Variants in SAMMSON observed in about 807,000 individuals in gnomAD.
The protein encoded by SAMMSON is long intergenic non-protein coding RNA 1212.
At chr3:70,126,510 G>T (rs577383867) in intron 4 of SAMMSON, 5 of 621,278 alleles carry the variant, frequency 8.0e-6, no homozygotes, top group East Asian at 5.8e-5. Flanking sequence ...AGCTCAGCTG[G>T]CAGGTGCCTC....
intron 9 of SAMMSON, among the ~76,000 whole-genome samples, chr3:70,382,826 A>T (rs1703083981): frequency 6.6e-6 from 1 of 152,178 alleles, no homozygotes; most frequent in Admixed American, 6.6e-5. Context: ...GTATTCAAAC[A>T]GTTCATACAC....
At chr3:70,235,386 C>T (rs1416945091) in intron 4 of SAMMSON, among the ~76,000 whole-genome samples, 1 of 152,206 alleles carries the variant, frequency 6.6e-6, no homozygotes, top group African/African-American at 2.4e-5. Context: ...CCACTCACTC[C>T]TTAATCCCTC....
At chr3:70,233,016 C>A (rs965074009) in intron 4 of SAMMSON, among the ~76,000 whole-genome samples, 7 of 152,192 alleles carry the variant, frequency 4.6e-5, no homozygotes, top group African/African-American at 1.4e-4. Flanking sequence ...TGGTGAAATA[C>A]AGTCTCTACT....
chr3:70,088,828 T>C (rs935439060), intron 4 of SAMMSON, among the ~76,000 whole-genome samples: 1 of 152,198 alleles, frequency 6.6e-6, no homozygotes, highest in Non-Finnish European at 1.5e-5. Flanking sequence ...ATTTTCTCTA[T>C]ACAATAAGGT....
rs1185609018 is a variant in SAMMSON at position 70,225,028 on chromosome 3, TA to T, written n.508-24075del. Among the ~76,000 whole-genome samples the T allele has an allele frequency of 7.2e-5, 11 of 152,308 alleles. No individual in the cohort carries two copies. The East Asian group carries it at 1.7e-3, about 24-fold the overall frequency. ...TACGTGTACTCAAGACAATGGAGGT[TA>T]AAACTGTTTGGAAAATATATTTCTC... is the stretch of plus-strand genomic sequence containing the variant. On this transcript the variant is annotated intron_variant and non_coding_transcript_variant, in intron 4 of 9. Transcript: ENST00000642114.
chr3:70,029,672 T>G (rs1339271283), intron 3 of SAMMSON, among the ~76,000 whole-genome samples: 1 of 151,398 alleles, frequency 6.6e-6, no homozygotes, highest in African/African-American at 2.4e-5. Context: ...CAAGAATCAC[T>G]TGAACCCGGG....
chr3:70,085,388 C>T (rs534950574), intron 4 of SAMMSON, among the ~76,000 whole-genome samples: 4 of 152,288 alleles, frequency 2.6e-5, no homozygotes, highest in South Asian at 2.1e-4. Context: ...TTTATTGCCA[C>T]TCAGGACATT....
At chr3:70,321,634 A>C (rs1227889817) in intron 7 of SAMMSON, among the ~76,000 whole-genome samples, 4 of 152,084 alleles carry the variant, frequency 2.6e-5, no homozygotes, top group Admixed American at 2.6e-4. Flanking sequence ...AAATAAATAA[A>C]ACTGTCATTA....
At chr3:70,422,630 C>A (rs528999119) in intron 2 of SAMMSON, among the ~76,000 whole-genome samples, 1 of 151,994 alleles carries the variant, frequency 6.6e-6, no homozygotes, top group East Asian at 1.9e-4. Flanking sequence ...CTGTTAGATT[C>A]ACCTATGAAA....
intron 4 of SAMMSON, among the ~76,000 whole-genome samples, chr3:70,224,794 G>A (rs1463039354): frequency 6.6e-6 from 1 of 151,944 alleles, no homozygotes; most frequent in Admixed American, 6.6e-5. Flanking sequence ...AAACATTGCA[G>A]TTGATAATAT....
At chr3:70,326,380 A>G (rs141579256) in intron 7 of SAMMSON, among the ~76,000 whole-genome samples, 2,102 of 152,318 alleles carry the variant, frequency 0.014, 46 homozygotes, top group African/African-American at 0.048. Context: ...AATAACATCC[A>G]TCTCATAGTA....
At chr3:70,351,879 T>C (rs1702797333) in intron 7 of SAMMSON, among the ~76,000 whole-genome samples, 1 of 152,162 alleles carries the variant, frequency 6.6e-6, no homozygotes. Context: ...CTAGACCTCC[T>C]CACTGATTAG....
chr3:70,211,832 T>C (rs1701353325), intron 4 of SAMMSON, among the ~76,000 whole-genome samples: 1 of 149,364 alleles, frequency 6.7e-6, no homozygotes, highest in Non-Finnish European at 1.5e-5. Flanking sequence ...CCCTTTTTCC[T>C]TTTTCCTTTT....
chr3:70,333,620 T>G lies in SAMMSON; in HGVS notation n.740-20555T>G, dbSNP rs189854328. 2.0e-5 allele frequency among the ~76,000 whole-genome samples: 3 copies of G among 152,284 alleles called. No individual in the cohort carries two copies. In the East Asian group the frequency reaches 5.8e-4, roughly 29 times the overall value. On this transcript the variant is annotated intron_variant and non_coding_transcript_variant, in intron 7 of 9. Transcript: ENST00000642114. Reference sequence around the variant, plus strand: ...GATTTTATTTTTTTTCTTTTCACACTTTTACATAGAGCCCAGCATCTAAGT... The same window carrying G: ...GATTTTATTTTTTTTCTTTTCACACGTTTACATAGAGCCCAGCATCTAAGT...
intron 2 of SAMMSON, among the ~76,000 whole-genome samples, chr3:70,411,794 TC>T (rs1483874750): frequency 6.6e-6 from 1 of 152,180 alleles, no homozygotes; most frequent in Non-Finnish European, 1.5e-5. Context: ...TTGTGAGGTC[TC>T]CCCAGCCATG....
chr3:70,050,153 G>A (rs534844150), intron 3 of SAMMSON, among the ~76,000 whole-genome samples: 2 of 152,090 alleles, frequency 1.3e-5, no homozygotes, highest in South Asian at 4.1e-4. Flanking sequence ...CTGCCCCACC[G>A]TGGCATTGTG....
chr3:70,128,781 C>G (rs1385102101), intron 4 of SAMMSON, among the ~76,000 whole-genome samples: 1 of 152,116 alleles, frequency 6.6e-6, no homozygotes, highest in Non-Finnish European at 1.5e-5. Context: ...AGATAAGAAG[C>G]ATTTGGGGCA....
chr3:70,169,380 C>A (rs1268556158), intron 4 of SAMMSON, among the ~76,000 whole-genome samples: 1 of 151,996 alleles, frequency 6.6e-6, no homozygotes, highest in African/African-American at 2.4e-5. Context: ...TTGTGGCTTA[C>A]ACTTCAAAAC....
chr3:70,365,330 TG>T (rs1455379019), intron 9 of SAMMSON, among the ~76,000 whole-genome samples: 1 of 151,384 alleles, frequency 6.6e-6, no homozygotes, highest in African/African-American at 2.4e-5. Flanking sequence ...CATATATATG[TG>T]TGTGTATATG....
Sources: gnomAD v4.1 joint callset for allele counts (sites outside exome capture counted in the v4.1 genomes callset) on GRCh38, gnomAD v4.1.1 for gene constraint, MANE v1.5 for transcripts, NCBI Gene and HGNC (gene_info 2026-07-23, HGNC 2026-07-21) for gene names.